The following MAGI2 variants were observed in gnomAD, a reference collection of about 807,000 sequenced individuals.
The protein encoded by MAGI2 is membrane associated guanylate kinase, WW and PDZ domain containing 2, also known as membrane-associated guanylate kinase, WW and PDZ domain-containing protein 2.
Under a neutral mutation model 133.3 loss-of-function variants are expected in MAGI2, and 35 were observed. That is an observed-to-expected ratio of 0.26 (90% CI 0.20 to 0.35). MAGI2 has a LOEUF of 0.35. Among genes scored for constraint, MAGI2 ranks in the 10% least tolerant of loss-of-function variants. The pLI, the probability that MAGI2 is intolerant of heterozygous loss-of-function variation, is 1.00. For synonymous variants in MAGI2, 729 were observed against 710.6 expected, an observed-to-expected ratio of 1.03 and a Z score of -0.41; for missense variants, 1,636 against 1,863.4, an observed-to-expected ratio of 0.88 and a Z score of 2.25.
intron 2 of MAGI2, among the ~76,000 whole-genome samples, chr7:78,826,082 G>A (rs1427515187): frequency 1.3e-5 from 2 of 152,048 alleles, no homozygotes; most frequent in Admixed American, 6.5e-5. Context: ...GCCAGGCACG[G>A]TGGCTCACAC....
intron 3 of MAGI2, among the ~76,000 whole-genome samples, chr7:78,589,514 TGAG>T (rs1184343613): frequency 6.6e-6 from 1 of 152,202 alleles, no homozygotes; most frequent in Non-Finnish European, 1.5e-5. Flanking sequence ...ATGATTAGGA[TGAG>T]GAGATTTTCC....
At chr7:78,393,201 T>G (rs1055145340) in intron 6 of MAGI2, among the ~76,000 whole-genome samples, 3 of 152,124 alleles carry the variant, frequency 2.0e-5, no homozygotes, top group African/African-American at 7.2e-5. Context: ...CCTACGGAAG[T>G]TGAAAAGGCC....
At chr7:78,130,550 GA>G (rs1192469369) in intron 18 of MAGI2, among the ~76,000 whole-genome samples, 1 of 152,168 alleles carries the variant, frequency 6.6e-6, no homozygotes, top group Non-Finnish European at 1.5e-5. Flanking sequence ...ATGCAATTGG[GA>G]AAAATGTTTC....
intron 12 of MAGI2, among the ~76,000 whole-genome samples, chr7:78,189,289 T>C (rs1204081425): frequency 6.6e-6 from 1 of 152,208 alleles, no homozygotes; most frequent in African/African-American, 2.4e-5. Flanking sequence ...AAATGATAAT[T>C]TCATTTCATA....
chr7:78,467,745 G>C (rs930595503), intron 6 of MAGI2, among the ~76,000 whole-genome samples: 1 of 152,012 alleles, frequency 6.6e-6, no homozygotes, highest in African/African-American at 2.4e-5. Flanking sequence ...TACGTACTAG[G>C]TTGTTTACTA....
chr7:78,516,046 A>T (rs1796013383), intron 4 of MAGI2, among the ~76,000 whole-genome samples: 1 of 152,228 alleles, frequency 6.6e-6, no homozygotes, highest in Admixed American at 6.5e-5. Context: ...TCATTCAGAG[A>T]TGATCAGTTT....
chr7:78,581,280 G>A (rs1049354342), intron 3 of MAGI2, among the ~76,000 whole-genome samples: 2 of 152,204 alleles, frequency 1.3e-5, no homozygotes, highest in Non-Finnish European at 2.9e-5. Flanking sequence ...ACCAAAGGAA[G>A]CAAAGACCTA....
At chr7:78,023,370 T>G (rs1808603139) in intron 21 of MAGI2, among the ~76,000 whole-genome samples, 1 of 152,194 alleles carries the variant, frequency 6.6e-6, no homozygotes, top group South Asian at 2.1e-4. Context: ...TTTCCCTGCC[T>G]CCTCCTTCCC....
chr7:78,599,919 C>A (rs1312726108), intron 3 of MAGI2, among the ~76,000 whole-genome samples: 1 of 152,148 alleles, frequency 6.6e-6, no homozygotes, highest in African/African-American at 2.4e-5. Context: ...GAGAACCTTT[C>A]GTGTGAACTT....
intron 10 of MAGI2, among the ~76,000 whole-genome samples, chr7:78,205,735 T>C (rs932622069): frequency 6.6e-6 from 1 of 152,234 alleles, no homozygotes; most frequent in Non-Finnish European, 1.5e-5. Flanking sequence ...CTGGTAACCA[T>C]TTTAAAATAA....
At chr7:78,414,854 C>G in intron 6 of MAGI2, among the ~76,000 whole-genome samples, 1 of 152,058 alleles carries the variant, frequency 6.6e-6, no homozygotes, top group East Asian at 1.9e-4. Flanking sequence ...ATGGAAAATA[C>G]ATGAAATAGG....
At chr7:79,349,628 T>G (rs554616531) in intron 1 of MAGI2, among the ~76,000 whole-genome samples, 1 of 152,034 alleles carries the variant, frequency 6.6e-6, no homozygotes, top group Non-Finnish European at 1.5e-5. Flanking sequence ...AAAGTGGCAG[T>G]GCTAGAAGGC....
At chr7:78,291,486 C>T (rs376035479) in intron 9 of MAGI2, among the ~76,000 whole-genome samples, 63 of 152,180 alleles carry the variant, frequency 4.1e-4, no homozygotes, top group African/African-American at 1.5e-3. Context: ...GATTCACAGC[C>T]GAATTCTACC....
chr7:79,237,302 G>A (rs1686604284), intron 1 of MAGI2, among the ~76,000 whole-genome samples: 1 of 152,128 alleles, frequency 6.6e-6, no homozygotes, highest in Admixed American at 6.5e-5. Context: ...AGACCATCCT[G>A]GCTAACACGG....
chr7:78,621,736 C>T (rs1807765270), intron 3 of MAGI2, among the ~76,000 whole-genome samples: 2 of 151,976 alleles, frequency 1.3e-5, no homozygotes, highest in African/African-American at 2.4e-5. Flanking sequence ...TCTTTTGGAA[C>T]AAGGACTTTA....
intron 20 of MAGI2, among the ~76,000 whole-genome samples, chr7:78,098,419 T>C (rs1168225800): frequency 6.6e-6 from 1 of 152,196 alleles, no homozygotes; most frequent in East Asian, 1.9e-4. Context: ...ATATAGAAGA[T>C]ATCTGTTCAT....
chr7:78,925,132 C>T (rs1799593383), intron 2 of MAGI2, among the ~76,000 whole-genome samples: 1 of 151,960 alleles, frequency 6.6e-6, no homozygotes, highest in Admixed American at 6.6e-5. Context: ...AGCTGTGCTC[C>T]CTTTTACGCA....
intron 3 of MAGI2, among the ~76,000 whole-genome samples, chr7:78,525,975 A>T (rs1355800714): frequency 1.3e-5 from 2 of 152,254 alleles, no homozygotes; most frequent in Non-Finnish European, 2.9e-5. Context: ...AGATCAGAGT[A>T]GATGCTCAAA....
chr7:79,296,986 C>T (rs1339622070), intron 1 of MAGI2, among the ~76,000 whole-genome samples: 1 of 111,530 alleles, frequency 9.0e-6, no homozygotes, highest in Non-Finnish European at 1.8e-5. Flanking sequence ...AAATATCACA[C>T]CATACCCCAT....
Sources: gnomAD v4.1 joint callset for allele counts (sites outside exome capture counted in the v4.1 genomes callset) on GRCh38, gnomAD v4.1.1 for gene constraint, MANE v1.5 for transcripts, NCBI Gene and HGNC (gene_info 2026-07-23, HGNC 2026-07-21) for gene names.